HOXB6: variants seen among roughly 807,000 people sequenced by gnomAD.
The protein encoded by HOXB6 is homeobox protein Hox-B6.
In HOXB6, 18 loss-of-function variants were observed where a neutral mutation model predicts 24.2. That is an observed-to-expected ratio of 0.74 (90% CI 0.51 to 1.10). HOXB6 has a LOEUF of 1.10. Ranked by LOEUF, HOXB6 falls within the 50% of genes least tolerant of loss-of-function variation. The probability of loss-of-function intolerance (pLI) is 0.00; values close to 1 mark genes in which losing one functional copy is unlikely to be tolerated. For synonymous variants in HOXB6, 159 were observed against 139.1 expected, an observed-to-expected ratio of 1.14 and a Z score of -1.01; for missense variants, 332 against 308.3, an observed-to-expected ratio of 1.08 and a Z score of -0.58.
chr17:48,602,987 G>T (rs1167946837), intron 2 of HOXB6, among the ~76,000 whole-genome samples: 3 of 152,182 alleles, frequency 2.0e-5, no homozygotes, highest in Non-Finnish European at 4.4e-5. Context: ...TCTACCTGGG[G>T]CCACAGAGCC....
rs376188487 is a variant in HOXB6, at chr17:48,596,678, A to G, written c.416-6T>C. On this transcript the variant is annotated splice_region_variant and splice_polypyrimidine_tract_variant and intron_variant, in intron 3 of 3. Transcript: ENST00000225648. The surrounding 1 kb of genome is among the most constrained non-coding windows in gnomAD (Gnocchi z 4.8). ...GCTGGGCCCAAAGGAGGAACCTGTT[A>G]CGCAGAGTGGAGATGCTGAGGCCTG... 6.2e-6 allele frequency: 10 copies of G among 1,611,632 alleles called. No homozygotes were observed. Among genetic ancestry groups the G allele is most frequent in the Non-Finnish European group, 7.6e-6 (9 of 1,180,016 alleles).
rs1479941485 is a variant in HOXB6, at chr17:48,596,402, T to C, written c.*11A>G. ...CTTTCCCCTCGCGTCCTCCCTCCCT[T>C]TCCAGCACCTTCACTCGGCCTGTTT... is the stretch of plus-strand genomic sequence containing the variant. On this transcript the variant is annotated 3_prime_UTR_variant, in exon 4 of 4. Coordinates refer to ENST00000225648, the MANE Select transcript of HOXB6 (RefSeq NM_018952.5). The surrounding 1 kb of genome is among the most constrained non-coding windows in gnomAD (Gnocchi z 4.8). The C allele has an allele frequency of 1.2e-6, 2 of 1,614,190 alleles. No homozygotes were observed. Among genetic ancestry groups the C allele is most frequent in the South Asian group, 1.1e-5 (1 of 91,090 alleles).
intron 2 of HOXB6, among the ~76,000 whole-genome samples, chr17:48,603,106 A>G (rs1277670866): frequency 1.3e-5 from 2 of 152,270 alleles, no homozygotes; most frequent in East Asian, 1.9e-4. Flanking sequence ...CTCCGGGGCA[A>G]CCAGAGGCCC....
Position 48,597,000 on chromosome 17 carries a change from C to A in HOXB6, c.416-328G>T. The stretch of plus-strand genomic sequence containing the variant: ...TTCCATCCATCTTGTTCCCACCCCC[C>A]GTCATCCCCCCAACCCAATGATAAA... On this transcript the variant is annotated intron_variant, in intron 3 of 3. Coordinates refer to ENST00000225648, the MANE Select transcript of HOXB6 (RefSeq NM_018952.5). This position sits in a 1 kb window ranked among gnomAD's most constrained non-coding sequence, Gnocchi z 4.8. The A allele has an allele frequency of 8.3e-7, 1 of 1,201,864 alleles. No homozygotes were observed. Among genetic ancestry groups the A allele is most frequent in the Non-Finnish European group, 1.1e-6 (1 of 939,066 alleles). The allele number at this position is 1,201,864 out of a possible 1,614,324, so 74.4% of individuals were successfully genotyped here. A position where few individuals can be genotyped will look rare whatever the true frequency, so the allele number is the denominator to read the frequency against.
intron 2 of HOXB6, among the ~76,000 whole-genome samples, chr17:48,603,427 G>C (rs1456893318): frequency 1.3e-5 from 2 of 152,220 alleles, no homozygotes; most frequent in Admixed American, 1.3e-4. Context: ...TCTGAGCTCA[G>C]TGCCAGTTAG....
intron 2 of HOXB6, 166 bp from the exon 3 acceptor site, chr17:48,598,394 C>A: frequency 2.2e-6 from 1 of 450,244 alleles, no homozygotes. Context: ...GGGACCCGCG[C>A]ACAAACCTAT....
chr17:48,596,285 C>A lies in HOXB6; in HGVS notation c.*128G>T, dbSNP rs1425388206. 5 of 1,448,444 alleles carry A rather than the reference C, an allele frequency of 3.5e-6. No individual in the cohort carries two copies. Among genetic ancestry groups the A allele is most frequent in the Non-Finnish European group, 4.8e-6 (5 of 1,037,550 alleles). The allele number at this position is 1,448,444 out of a possible 1,614,324, so 89.7% of individuals were successfully genotyped here. A position where few individuals can be genotyped will look rare whatever the true frequency, so the allele number is the denominator to read the frequency against. ...GGGCGTCCAGGAGAGCGCTGGGCCCCGCCTGTCTGCGCCGGAGAGCAGGTC... is the reference window on the plus strand; with the variant it reads ...GGGCGTCCAGGAGAGCGCTGGGCCCAGCCTGTCTGCGCCGGAGAGCAGGTC... On this transcript the variant is annotated 3_prime_UTR_variant, in exon 4 of 4. Transcript: ENST00000225648. The surrounding 1 kb of genome is among the most constrained non-coding windows in gnomAD (Gnocchi z 4.8).
At chr17:48,602,269 C>T (rs1407736564) in intron 2 of HOXB6, 2 of 455,504 alleles carry the variant, frequency 4.4e-6, no homozygotes, top group South Asian at 1.5e-5. Flanking sequence ...CTGACGGGGC[C>T]GGCGCCTGCC....
chr17:48,599,582 A>G (rs2070407126), intron 2 of HOXB6, among the ~76,000 whole-genome samples: 1 of 152,022 alleles, frequency 6.6e-6, no homozygotes, highest in Non-Finnish European at 1.5e-5. Context: ...ATTCCCTCCC[A>G]CACCCCGTGT....
At position 48,596,748 on chromosome 17, in the gene HOXB6, A is replaced by T; in HGVS notation, c.416-76T>A. The stretch of plus-strand genomic sequence containing the variant: ...CCCCTCCCCTAGTCGACCCTCGAAC[A>T]CAGACTCCAGCCAGTACCGGGATGC... On this transcript the variant is annotated intron_variant, in intron 3 of 3. Transcript: ENST00000225648. This position sits in a 1 kb window ranked among gnomAD's most constrained non-coding sequence, Gnocchi z 4.8. 1 of 1,589,128 alleles carries T rather than the reference A, an allele frequency of 6.3e-7. No individual in the cohort carries two copies.
Position 48,595,886 on chromosome 17 carries a change from T to G in HOXB6, c.*527A>C, listed in dbSNP as rs569718106. On this transcript the variant is annotated 3_prime_UTR_variant, in exon 4 of 4. Coordinates refer to ENST00000225648, the MANE Select transcript of HOXB6 (RefSeq NM_018952.5). ...GACTACAAACACAACACATAGAAAA[T>G]TAATAAAATAGAACTTTGTTTTCTT... 5 of 308,414 alleles carry G rather than the reference T, an allele frequency of 1.6e-5. No homozygotes were observed. The East Asian group carries it at 4.4e-4, about 27-fold the overall frequency. The allele number at this position is 308,414 out of a possible 1,614,324, so 19.1% of individuals were successfully genotyped here. A position where few individuals can be genotyped will look rare whatever the true frequency, so the allele number is the denominator to read the frequency against.
chr17:48,600,545 G>A (rs1430065102), intron 2 of HOXB6: 2 of 455,514 alleles, frequency 4.4e-6, no homozygotes, highest in South Asian at 1.5e-5. Flanking sequence ...TAAGCCCAGA[G>A]GTATTTATGA....
At chr17:48,603,192 A>C (rs2070510197) in intron 2 of HOXB6, among the ~76,000 whole-genome samples, 1 of 152,236 alleles carries the variant, frequency 6.6e-6, no homozygotes, top group African/African-American at 2.4e-5. Flanking sequence ...ACTAAAAATC[A>C]CAATTTCTCC....
intron 2 of HOXB6, among the ~76,000 whole-genome samples, chr17:48,599,136 G>A (rs1228826896): frequency 6.6e-6 from 1 of 152,222 alleles, no homozygotes; most frequent in East Asian, 1.9e-4. Flanking sequence ...TGGAGTGAAG[G>A]AGTGAGGGGT....
chr17:48,597,872 G>T lies in HOXB6; in HGVS notation c.279C>A (p.Ala93=). 6.3e-7 allele frequency: 1 copy of T among 1,591,072 alleles called. No individual in the cohort carries two copies. Among genetic ancestry groups the T allele is most frequent in the Non-Finnish European group, 8.6e-7 (1 of 1,167,900 alleles). Residue 93 remains alanine, a synonymous_variant, in exon 3 of 4, where the codon GCC becomes GCA. Transcript: ENST00000225648. ...CGGGGTGGAACGGGGGCTGCTCGTC[G>T]GCGCCGGAGAGTGCGCAGGCCGACT... The part of the protein sequence containing the change: ...EKESACALSG[A]DEQPPFHPEP...
chr17:48,598,218 G>C lies in HOXB6; in HGVS notation c.-68C>G. On this transcript the variant is annotated 5_prime_UTR_variant, in exon 3 of 4. Coordinates refer to ENST00000225648, the MANE Select transcript of HOXB6 (RefSeq NM_018952.5). The stretch of plus-strand genomic sequence containing the variant: ...TATGATTTGTTGTGTTTTATAGTCC[G>C]AGCGCCGCGCCTATTAGTAGTATAT... The C allele has an allele frequency of 6.9e-7, 1 of 1,446,236 alleles. No individual in the cohort carries two copies. The highest frequency in any genetic ancestry group is 9.2e-7 in the Non-Finnish European group (1 of 1,089,112). 89.6% of individuals were successfully genotyped at this position (1,446,236 alleles called of 1,614,324 possible).
chr17:48,602,253 G>A (rs1374834457), intron 2 of HOXB6: 3 of 456,118 alleles, frequency 6.6e-6, no homozygotes, highest in South Asian at 1.5e-5. Context: ...TGACAACCGA[G>A]TGGAACTGAC....
intron 2 of HOXB6, chr17:48,602,153 T>G (rs1345002337): frequency 2.2e-6 from 1 of 456,042 alleles, no homozygotes; most frequent in Non-Finnish European, 4.4e-6. Flanking sequence ...TCCAGAAAAT[T>G]CGGTTCAATT....
rs149102251 is a variant in HOXB6 at position 48,597,813 on chromosome 17, C to T, written c.338G>A (p.Ser113Asn). The T allele has an allele frequency of 1.9e-6, 3 of 1,608,938 alleles. No individual in the cohort carries two copies. The highest frequency in any genetic ancestry group is 2.7e-5 in the African/African-American group (2 of 74,816). ...PRKSDCAQDK[S>N]VFGETEEQKC... ...CTGCTCTTCTGTCTCGCCGAACACG[C>T]TCTTGTCCTGCGCGCAGTCCGACTT... The change falls in exon 3 of 4, where the codon AGC (serine) becomes AAC (asparagine). Residue 113 changes from serine to asparagine, a missense_variant. Coordinates refer to ENST00000225648, the MANE Select transcript of HOXB6 (RefSeq NM_018952.5).
Sources: allele counts gnomAD v4.1 joint callset (sites outside exome capture counted in the v4.1 genomes callset), GRCh38; gene constraint gnomAD v4.1.1; non-coding constraint Gnocchi (gnomAD v3.1); transcripts MANE v1.5; gene names NCBI Gene and HGNC (gene_info 2026-07-23, HGNC 2026-07-21).